Variants in MDGA2 observed in about 807,000 individuals in gnomAD.
MDGA2 encodes MAM domain containing glycosylphosphatidylinositol anchor 2, also known as MAM domain-containing glycosylphosphatidylinositol anchor protein 2.
Under a neutral mutation model 117.8 loss-of-function variants are expected in MDGA2, and 40 were observed. The ratio of observed to expected loss-of-function variants is 0.34; its 90% CI spans 0.26 to 0.44. MDGA2 has a LOEUF of 0.44. Ranked by LOEUF, MDGA2 falls within the 20% of genes least tolerant of loss-of-function variation. The probability of loss-of-function intolerance (pLI) is 1.00; values close to 1 mark genes in which losing one functional copy is unlikely to be tolerated. For missense variants in MDGA2, 1,123 were observed against 1,250.6 expected (o/e 0.90, Z 1.54); for synonymous variants, 452 against 439.0 (o/e 1.03, Z -0.37).
chr14:47,427,753 T>C (rs1278232893), intron 1 of MDGA2, among the ~76,000 whole-genome samples: 2 of 151,788 alleles, frequency 1.3e-5, no homozygotes, highest in Admixed American at 1.3e-4. Flanking sequence ...CTAGCAAATC[T>C]TTCTCTCTTA....
rs1594977328 is a variant in MDGA2 at position 47,675,401 on chromosome 14, G to C, written c.-605C>G. On this transcript the variant is annotated 5_prime_UTR_variant, in exon 1 of 17. Transcript: ENST00000399232. Reference sequence around the variant, plus strand: ...GGGTGGGGAAGAGGGAAGGGAGGAGGGGGAAGAAGGAGGAGGAAAGGGTCC... The same window carrying C: ...GGGTGGGGAAGAGGGAAGGGAGGAGCGGGAAGAAGGAGGAGGAAAGGGTCC... Among the ~76,000 whole-genome samples, 4 of 152,046 alleles carry C rather than the reference G, an allele frequency of 2.6e-5. No individual in the cohort carries two copies. The highest frequency in any genetic ancestry group is 4.1e-4 in the South Asian group (2 of 4,834).
At chr14:47,479,171 G>A (rs996754665) in intron 1 of MDGA2, among the ~76,000 whole-genome samples, 2 of 152,188 alleles carry the variant, frequency 1.3e-5, no homozygotes, top group African/African-American at 4.8e-5. Context: ...GATGTAGGGT[G>A]AAATGATGAT....
chr14:47,012,752 T>A (rs1295808932), intron 8 of MDGA2, among the ~76,000 whole-genome samples: 3 of 152,106 alleles, frequency 2.0e-5, no homozygotes, highest in Non-Finnish European at 4.4e-5. Context: ...AGAGTTGGCA[T>A]GTACAAGCAT....
At chr14:47,624,287 G>A (rs553081872) in intron 1 of MDGA2, among the ~76,000 whole-genome samples, 6 of 152,118 alleles carry the variant, frequency 3.9e-5, no homozygotes, top group Admixed American at 2.0e-4. Flanking sequence ...GTGAAATCCC[G>A]TCTCTACTCA....
intron 2 of MDGA2, among the ~76,000 whole-genome samples, chr14:47,260,682 C>T (rs994534007): frequency 1.3e-5 from 2 of 152,012 alleles, no homozygotes; most frequent in African/African-American, 4.8e-5. Flanking sequence ...AGATCAGCAT[C>T]CTTCTTAGAG....
At chr14:47,338,413 T>C (rs139155754) in intron 1 of MDGA2, among the ~76,000 whole-genome samples, 190 of 151,130 alleles carry the variant, frequency 1.3e-3, no homozygotes, top group Non-Finnish European at 2.3e-3. Context: ...TATCATGGGC[T>C]ATAATGTCCT....
At chr14:47,261,649 G>A (rs1887799494) in intron 2 of MDGA2, among the ~76,000 whole-genome samples, 3 of 152,100 alleles carry the variant, frequency 2.0e-5, no homozygotes, top group Admixed American at 2.0e-4. Flanking sequence ...CTCACTTCAA[G>A]AAAGGTTTTT....
chr14:47,465,593 T>A (rs1347274644), intron 1 of MDGA2, among the ~76,000 whole-genome samples: 1 of 152,144 alleles, frequency 6.6e-6, no homozygotes. Context: ...TCATTATTAC[T>A]GATCATTAGA....
chr14:47,100,768 A>G (rs1880259150), intron 5 of MDGA2, among the ~76,000 whole-genome samples: 1 of 152,188 alleles, frequency 6.6e-6, no homozygotes, highest in South Asian at 2.1e-4. Context: ...TAAGCAGAGC[A>G]TTTATATTCT....
At chr14:47,351,425 G>T (rs1890879590) in intron 1 of MDGA2, among the ~76,000 whole-genome samples, 1 of 152,044 alleles carries the variant, frequency 6.6e-6, no homozygotes, top group Admixed American at 6.6e-5. Flanking sequence ...ACTGACAGCT[G>T]CCAAAAATAT....
At chr14:47,067,067 A>T (rs1438455546) in intron 6 of MDGA2, among the ~76,000 whole-genome samples, 5 of 152,224 alleles carry the variant, frequency 3.3e-5, no homozygotes, top group African/African-American at 1.2e-4. Context: ...GTGAGCCAAG[A>T]TCAGGCCACT....
intron 2 of MDGA2, among the ~76,000 whole-genome samples, chr14:47,263,190 T>C (rs1887855643): frequency 6.7e-6 from 1 of 150,262 alleles, no homozygotes; most frequent in Non-Finnish European, 1.5e-5. Flanking sequence ...CACTGCATAG[T>C]TGGGTCAATA....
At chr14:47,023,125 C>G (rs1888347303) in intron 8 of MDGA2, among the ~76,000 whole-genome samples, 1 of 149,994 alleles carries the variant, frequency 6.7e-6, no homozygotes, top group African/African-American at 2.5e-5. Context: ...TTCCTGGAAC[C>G]CACTACACTT....
chr14:47,113,347 C>T (rs374997851), intron 5 of MDGA2, among the ~76,000 whole-genome samples: 60 of 151,770 alleles, frequency 4.0e-4, no homozygotes, highest in East Asian at 3.3e-3. Context: ...GGCCCACGAC[C>T]GGATGGATTT....
chr14:47,540,563 T>TATATATATATATATACACAC (rs370481455), intron 1 of MDGA2, among the ~76,000 whole-genome samples: 80 of 112,484 alleles, frequency 7.1e-4, no homozygotes, highest in South Asian at 1.4e-3. Flanking sequence ...TGTATATATA[T>TATATATATATATATACACAC]ACACACACAC....
At chr14:47,425,906 G>GT (rs1222453648) in intron 1 of MDGA2, among the ~76,000 whole-genome samples, 57 of 122,032 alleles carry the variant, frequency 4.7e-4, no homozygotes, top group Non-Finnish European at 5.2e-4. Flanking sequence ...CAAATGTATA[G>GT]TCTTTTTTTT....
chr14:46,842,170 C>A, intron 16 of MDGA2, 151 bp from the exon 17 acceptor site: 1 of 586,054 alleles, frequency 1.7e-6, no homozygotes, highest in Non-Finnish European at 3.0e-6. Context: ...TTATCAGCTT[C>A]ATTGCTAAGG....
At chr14:46,918,282 C>CA (rs11450117) in intron 10 of MDGA2, among the ~76,000 whole-genome samples, 45,554 of 151,574 alleles carry the variant, frequency 0.3, 7,678 homozygotes, top group African/African-American at 0.4. Flanking sequence ...GCATGTATAA[C>CA]AAAAAAATGA....
intron 1 of MDGA2, among the ~76,000 whole-genome samples, chr14:47,555,066 C>G (rs1485791680): frequency 6.6e-6 from 1 of 152,000 alleles, no homozygotes; most frequent in East Asian, 1.9e-4. Flanking sequence ...CTACCTTTGT[C>G]AAAGTACAAG....
Sources: gnomAD v4.1 joint callset for allele counts (sites outside exome capture counted in the v4.1 genomes callset) on GRCh38, gnomAD v4.1.1 for gene constraint, MANE v1.5 for transcripts, NCBI Gene and HGNC (gene_info 2026-07-23, HGNC 2026-07-21) for gene names.